The following KLF8 variants were observed in gnomAD, a reference collection of about 807,000 sequenced individuals.
KLF8 encodes KLF transcription factor 8, also known as Krueppel-like factor 8.
In KLF8, 10 loss-of-function variants were observed where a neutral mutation model predicts 18.2. The ratio of observed to expected loss-of-function variants is 0.55; its 90% confidence interval spans 0.34 to 0.93. The LOEUF is 0.93. Among genes scored for constraint, KLF8 ranks in the 40% least tolerant of loss-of-function variants. KLF8 has a pLI of 0.02. For synonymous variants in KLF8, 109 were observed against 97.3 expected (o/e 1.12, Z -0.71); for missense variants, 264 against 277.9 (o/e 0.95, Z 0.36).
chrX:56,023,180 A>G, the KLF8 span, among the ~76,000 whole-genome samples: 4 of 112,036 alleles, frequency 3.6e-5, no homozygotes, highest in African/African-American at 6.5e-5. Context: ...ATTATAAACT[A>G]TAGTAATAGA....
the KLF8 span, among the ~76,000 whole-genome samples, chrX:56,054,778 G>A: frequency 3.4e-4 from 38 of 111,650 alleles, 1 homozygote; most frequent in Admixed American, 2.8e-3. Context: ...TCCTATGCTC[G>A]GTGCATATAT....
At chrX:56,270,781 T>C (rs2147667558) in intron 5 of KLF8, among the ~76,000 whole-genome samples, 1 of 110,455 alleles carries the variant, frequency 9.1e-6, no homozygotes, top group South Asian at 3.9e-4. Flanking sequence ...TGTAATCCAC[T>C]AACCATTAAC....
the KLF8 span, among the ~76,000 whole-genome samples, chrX:56,073,868 C>A: frequency 1.0e-4 from 11 of 110,408 alleles, no homozygotes; most frequent in Non-Finnish European, 1.5e-4. Flanking sequence ...GCCTCAGCCT[C>A]CCAAGTTGCT....
chrX:56,126,943 G>T, the KLF8 span, among the ~76,000 whole-genome samples: 16 of 108,187 alleles, frequency 1.5e-4, no homozygotes, highest in African/African-American at 5.4e-4. Flanking sequence ...AGTAGAGACG[G>T]GGTTTCACCA....
the KLF8 span, among the ~76,000 whole-genome samples, chrX:56,205,511 C>A: frequency 1.8e-5 from 2 of 111,833 alleles, no homozygotes; most frequent in Non-Finnish European, 3.8e-5. Context: ...CCAGGGATTG[C>A]ACTTGGTCAT....
chrX:56,220,044 CTAT>C, the KLF8 span, among the ~76,000 whole-genome samples: 4 of 111,657 alleles, frequency 3.6e-5, no homozygotes, highest in Admixed American at 9.5e-5. Flanking sequence ...AATTTGATAG[CTAT>C]TATTATTAGA....
At chrX:56,229,669 C>A, upstream of KLF8, among the ~76,000 whole-genome samples, 1 of 111,582 alleles carries the variant, frequency 9.0e-6, no homozygotes, top group Non-Finnish European at 1.9e-5. Flanking sequence ...TCCCTGTGAA[C>A]CATCTTTGGG....
At chrX:55,994,840 G>A in the KLF8 span, among the ~76,000 whole-genome samples, 1 of 111,990 alleles carries the variant, frequency 8.9e-6, no homozygotes, top group Non-Finnish European at 1.9e-5. Flanking sequence ...GGCTGAGTGT[G>A]TGGTTAATTT....
chrX:56,048,260 T>C, the KLF8 span, among the ~76,000 whole-genome samples: 12,716 of 111,366 alleles, frequency 0.11, 1,279 homozygotes, highest in African/African-American at 0.32. Flanking sequence ...GTGCAGAAGC[T>C]CTTTAGTTTA....
At chrX:55,943,897 G>C in the KLF8 span, among the ~76,000 whole-genome samples, 1 of 112,133 alleles carries the variant, frequency 8.9e-6, no homozygotes, top group Non-Finnish European at 1.9e-5. Flanking sequence ...GTTTCAAGGG[G>C]AGTGAACCCT....
At chrX:55,944,029 A>G in the KLF8 span, among the ~76,000 whole-genome samples, 1 of 112,335 alleles carries the variant, frequency 8.9e-6, no homozygotes, top group Non-Finnish European at 1.9e-5. Flanking sequence ...ACTCCTTGAG[A>G]GTTTTTAGCA....
intron 5 of KLF8, among the ~76,000 whole-genome samples, chrX:56,270,658 C>T (rs772451666): frequency 9.0e-6 from 1 of 111,485 alleles, no homozygotes; most frequent in Non-Finnish European, 1.9e-5. Flanking sequence ...GCGGAGTCAA[C>T]ACTTAAGCAA....
chrX:55,984,513 C>T, the KLF8 span, among the ~76,000 whole-genome samples: 2 of 111,009 alleles, frequency 1.8e-5, no homozygotes, highest in East Asian at 5.6e-4. Context: ...TTTTCTTTAC[C>T]CAGTCTATCA....
chrX:56,060,240 A>G, the KLF8 span, among the ~76,000 whole-genome samples: 1 of 111,906 alleles, frequency 8.9e-6, no homozygotes, highest in Non-Finnish European at 1.9e-5. Context: ...AGAGTGTAAG[A>G]GAGGGCATCC....
At chrX:55,929,523 C>G in the KLF8 span, among the ~76,000 whole-genome samples, 3 of 112,281 alleles carry the variant, frequency 2.7e-5, no homozygotes, top group South Asian at 7.4e-4. Flanking sequence ...AGTCTTTAAT[C>G]CATCTTGAGT....
chrX:56,137,778 A>C, the KLF8 span, among the ~76,000 whole-genome samples: 1 of 101,361 alleles, frequency 9.9e-6, no homozygotes, highest in Non-Finnish European at 1.9e-5. Context: ...AAACAAAGAA[A>C]CAAAAAAAAA....
At chrX:56,144,433 C>A in the KLF8 span, among the ~76,000 whole-genome samples, 1 of 110,057 alleles carries the variant, frequency 9.1e-6, no homozygotes, top group African/African-American at 3.3e-5. Flanking sequence ...TGATAAGGAT[C>A]TAGTATCAGA....
At chrX:56,068,050 G>C in the KLF8 span, among the ~76,000 whole-genome samples, 1 of 112,198 alleles carries the variant, frequency 8.9e-6, no homozygotes, top group South Asian at 3.7e-4. Flanking sequence ...CAGCCTCATG[G>C]TCTCCCTTTT....
chrX:56,056,831 TAAA>T, the KLF8 span, among the ~76,000 whole-genome samples: 7 of 62,692 alleles, frequency 1.1e-4, no homozygotes, highest in Admixed American at 1.9e-4. Flanking sequence ...ATTGCAGGTG[TAAA>T]AAAAAAAAAA....
Sources: gnomAD v4.1 joint callset for allele counts (sites outside exome capture counted in the v4.1 genomes callset) on GRCh38, gnomAD v4.1.1 for gene constraint, MANE v1.5 for transcripts, NCBI Gene and HGNC (gene_info 2026-07-23, HGNC 2026-07-21) for gene names.